The following MECOM variants were observed in gnomAD, a reference collection of about 807,000 sequenced individuals.
MECOM encodes MDS1 and EVI1 complex locus, also known as histone-lysine N-methyltransferase MECOM.
MECOM carries 13 observed loss-of-function variants against 116.3 expected under a neutral mutation model. That is an observed-to-expected ratio of 0.11 (90% CI 0.07 to 0.18). The LOEUF (loss-of-function observed/expected upper bound fraction) is 0.18, where lower values mean the gene tolerates loss of function less well. MECOM is among the 10% of genes least tolerant of loss of function. MECOM has a pLI of 1.00. For synonymous variants in MECOM, 528 were observed against 535.2 expected, an observed-to-expected ratio of 0.99 and a Z score of 0.19; for missense variants, 1,299 against 1,509.0, an observed-to-expected ratio of 0.86 and a Z score of 2.31.
At position 169,115,857 on chromosome 3, in the gene MECOM, T is replaced by C. The variant is rs1221662561; in HGVS notation, c.2015A>G (p.Tyr672Cys). The change falls in exon 8 of 17, where the codon TAC becomes TGC. Residue 672 changes from tyrosine (Y) to cysteine (C), a missense_variant. Around this residue, in one of 6 missense-constraint regions of MECOM, gnomAD observed 340 missense variants for 312.6 expected, o/e 1.09. Coordinates refer to ENST00000651503, the MANE Select transcript of MECOM (RefSeq NM_004991.4). ...CCCCACCAGTCCTGTTGAACCAAAG[T>C]ATTTTTCAGCAATAGAAGCAATAGC... ...IKAIASIAEK[Y>C]FGSTGLVGLQ... The C allele has an allele frequency of 1.2e-6, 2 of 1,614,074 alleles. No homozygotes were observed. Among genetic ancestry groups the C allele is most frequent in the East Asian group, 2.2e-5 (1 of 44,874 alleles).
At chr3:169,489,010 A>G (rs1382026774) in intron 1 of MECOM, among the ~76,000 whole-genome samples, 1 of 152,082 alleles carries the variant, frequency 6.6e-6, no homozygotes, top group Non-Finnish European at 1.5e-5. Flanking sequence ...TTAATTTTTT[A>G]AAAGGAAGCA....
chr3:169,116,817 A>T, intron 7 of MECOM, 78 bp from the exon 8 acceptor site: 1 of 1,490,430 alleles, frequency 6.7e-7, no homozygotes, highest in Non-Finnish European at 8.9e-7. Context: ...CAATTGGTTT[A>T]CTCAAAATTT....
At chr3:169,449,000 C>A (rs914147679) in intron 1 of MECOM, among the ~76,000 whole-genome samples, 2 of 152,116 alleles carry the variant, frequency 1.3e-5, no homozygotes, top group Non-Finnish European at 2.9e-5. Context: ...CTCCTGTAGC[C>A]AATCTACCAG....
At chr3:169,345,588 C>T (rs1326522432) in intron 2 of MECOM, among the ~76,000 whole-genome samples, 1 of 152,092 alleles carries the variant, frequency 6.6e-6, no homozygotes, top group Non-Finnish European at 1.5e-5. Context: ...AGCAGCACCC[C>T]TGAGAGCCAC....
chr3:169,143,482 T>A (rs1738744763), intron 3 of MECOM, among the ~76,000 whole-genome samples: 1 of 152,158 alleles, frequency 6.6e-6, no homozygotes, highest in African/African-American at 2.4e-5. Context: ...TTATGAAGGA[T>A]ACTAGTACAA....
chr3:169,621,472 G>A (rs1302949924), intron 1 of MECOM, among the ~76,000 whole-genome samples: 1 of 152,168 alleles, frequency 6.6e-6, no homozygotes, highest in African/African-American at 2.4e-5. Flanking sequence ...AAATAAACAA[G>A]CTGGCCGGGC....
At chr3:169,139,884 C>T (rs1737571492) in intron 3 of MECOM, among the ~76,000 whole-genome samples, 1 of 151,560 alleles carries the variant, frequency 6.6e-6, no homozygotes, top group African/African-American at 2.4e-5. Flanking sequence ...GAGTTATGTC[C>T]ACCAATCAAA....
At chr3:169,287,377 T>C (rs1057027408) in intron 2 of MECOM, among the ~76,000 whole-genome samples, 2 of 152,070 alleles carry the variant, frequency 1.3e-5, no homozygotes, top group Middle Eastern at 3.2e-3. Context: ...GTTTTTTTTG[T>C]TTTGCTGGAA....
intron 1 of MECOM, among the ~76,000 whole-genome samples, chr3:169,471,148 T>G (rs1749162867): frequency 6.6e-6 from 1 of 151,936 alleles, no homozygotes. Flanking sequence ...CGTGCCAGCA[T>G]GCCCGTCTGA....
chr3:169,646,573 T>A (rs1560531474), intron 1 of MECOM, among the ~76,000 whole-genome samples: 1 of 152,170 alleles, frequency 6.6e-6, no homozygotes, highest in Non-Finnish European at 1.5e-5. Flanking sequence ...AAATACTTTG[T>A]TGCAGGCCCA....
At chr3:169,107,892 T>A in intron 10 of MECOM, 34 bp downstream of exon 10, 2 of 1,591,806 alleles carry the variant, frequency 1.3e-6, no homozygotes, top group Middle Eastern at 1.7e-4. Flanking sequence ...TAATGCTACA[T>A]CACTTTAGTC....
chr3:169,244,810 A>C (rs376332451), intron 2 of MECOM, among the ~76,000 whole-genome samples: 4 of 152,236 alleles, frequency 2.6e-5, no homozygotes, highest in Admixed American at 2.6e-4. Flanking sequence ...CAGATTTCAG[A>C]GAGATCAACA....
intron 1 of MECOM, among the ~76,000 whole-genome samples, chr3:169,598,387 AAAT>A (rs1483206922): frequency 1.3e-5 from 2 of 152,266 alleles, no homozygotes; most frequent in Non-Finnish European, 2.9e-5. Flanking sequence ...AATTTTTCAA[AAAT>A]ATACATCTGC....
At chr3:169,372,594 A>G (rs921538782) in intron 2 of MECOM, among the ~76,000 whole-genome samples, 1 of 152,052 alleles carries the variant, frequency 6.6e-6, no homozygotes, top group Non-Finnish European at 1.5e-5. Flanking sequence ...GAAATTGGAA[A>G]AAGAGCAATA....
intron 2 of MECOM, among the ~76,000 whole-genome samples, chr3:169,244,774 A>C (rs1451743971): frequency 1.3e-5 from 2 of 152,214 alleles, no homozygotes; most frequent in African/African-American, 4.8e-5. Context: ...ATTATCTGTA[A>C]GCAAAGAAAT....
chr3:169,088,703 A>T (rs1221463481), intron 16 of MECOM, among the ~76,000 whole-genome samples: 1 of 152,208 alleles, frequency 6.6e-6, no homozygotes, highest in Non-Finnish European at 1.5e-5. Context: ...GTAAACAAAC[A>T]TGATGAACTA....
At chr3:169,479,026 T>C (rs546829945) in intron 1 of MECOM, among the ~76,000 whole-genome samples, 11 of 152,302 alleles carry the variant, frequency 7.2e-5, no homozygotes, top group African/African-American at 2.4e-4. Context: ...TAGAACTGAA[T>C]GGGAGGGCCA....
chr3:169,166,778 TG>T (rs1743663980), intron 2 of MECOM, among the ~76,000 whole-genome samples: 1 of 152,206 alleles, frequency 6.6e-6, no homozygotes, highest in South Asian at 2.1e-4. Context: ...TACATAATTG[TG>T]TAAACTGCTT....
At chr3:169,333,675 C>T (rs1425094313) in intron 2 of MECOM, among the ~76,000 whole-genome samples, 8 of 151,962 alleles carry the variant, frequency 5.3e-5, no homozygotes, top group African/African-American at 1.9e-4. Flanking sequence ...AATGTTTTAG[C>T]AATCATTGTT....
Sources: gnomAD v4.1 joint callset for allele counts (sites outside exome capture counted in the v4.1 genomes callset) on GRCh38, gnomAD v4.1.1 for gene constraint, gnomAD v4.1.1 regional missense constraint, MANE v1.5 for transcripts, NCBI Gene and HGNC (gene_info 2026-07-23, HGNC 2026-07-21) for gene names.